SHANK2: variants seen among roughly 807,000 people sequenced by gnomAD.
SHANK2 encodes SH3 and multiple ankyrin repeat domains protein 2.
In SHANK2, 43 loss-of-function variants were observed where a neutral mutation model predicts 133.7. That is an observed-to-expected ratio of 0.32 (90% CI 0.25 to 0.41). The LOEUF is 0.41. Ranked by LOEUF, SHANK2 falls within the 10% of genes least tolerant of loss-of-function variation. The pLI is 1.00. For synonymous variants in SHANK2, 1,017 were observed against 952.8 expected (o/e 1.07, Z -1.24); for missense variants, 1,994 against 2,235.8 (o/e 0.89, Z 2.18).
intron 14 of SHANK2, among the ~76,000 whole-genome samples, chr11:70,741,669 C>T (rs1946529493): frequency 6.6e-6 from 1 of 152,198 alleles, no homozygotes; most frequent in Non-Finnish European, 1.5e-5. Context: ...CACCCTATGC[C>T]TCACCATAAC....
intron 6 of SHANK2, among the ~76,000 whole-genome samples, chr11:71,096,213 C>T (rs1444397227): frequency 6.6e-6 from 1 of 152,240 alleles, no homozygotes; most frequent in Non-Finnish European, 1.5e-5. Context: ...TGCATACCCT[C>T]CTGATGCAGA....
intron 20 of SHANK2, among the ~76,000 whole-genome samples, chr11:70,501,511 C>T (rs1238387301): frequency 2.0e-5 from 3 of 152,204 alleles, no homozygotes; most frequent in Admixed American, 1.3e-4. Context: ...CAAGCGTTTC[C>T]ACCTACATGC....
In SHANK2 at chr11:71,146,760, G is replaced by T. The variant is rs1461263869; in HGVS notation, c.207+360C>A. On this transcript the variant is annotated intron_variant, in intron 3 of 25. Transcript: ENST00000601538. ...GAGCCTCCTGCACTTGGTGCTAGAA[G>T]CCAGTTGCGGGTGCACCTGCCGCCC... is the stretch of plus-strand genomic sequence containing the variant. Among the ~76,000 whole-genome samples the T allele has an allele frequency of 2.0e-5, 3 of 152,172 alleles. No individual in the cohort carries two copies. In the East Asian group the frequency reaches 5.8e-4, roughly 29 times the overall value.
chr11:70,625,757 A>G (rs557765756), intron 17 of SHANK2, among the ~76,000 whole-genome samples: 1 of 141,552 alleles, frequency 7.1e-6, no homozygotes, highest in South Asian at 2.5e-4. Flanking sequence ...GAGGTCCACA[A>G]GCCCAAGCTG....
intron 23 of SHANK2, chr11:70,490,012 G>C (rs1162308253): frequency 4.6e-6 from 1 of 217,422 alleles, no homozygotes; most frequent in Non-Finnish European, 8.6e-6. Context: ...AATTATCACA[G>C]ATAACTGGGC....
chr11:70,775,916 T>C (rs1433439565), intron 14 of SHANK2, among the ~76,000 whole-genome samples: 5 of 152,248 alleles, frequency 3.3e-5, no homozygotes, highest in African/African-American at 4.8e-5. Context: ...AACATCTTCA[T>C]TCAATAACAG....
intron 11 of SHANK2, among the ~76,000 whole-genome samples, chr11:70,831,770 G>C (rs1555058523): frequency 6.6e-6 from 1 of 152,384 alleles, no homozygotes; most frequent in East Asian, 1.9e-4. Context: ...GTGCTCACGG[G>C]TCTCAGAAAC....
chr11:70,689,405 T>C (rs550568461), intron 15 of SHANK2, among the ~76,000 whole-genome samples: 6 of 152,316 alleles, frequency 3.9e-5, no homozygotes, highest in Admixed American at 6.5e-5. Context: ...AAATACCTTC[T>C]TGAAGTGGAA....
chr11:70,544,879 T>C (rs556326381), intron 17 of SHANK2, among the ~76,000 whole-genome samples: 1 of 152,318 alleles, frequency 6.6e-6, no homozygotes, highest in South Asian at 2.1e-4. Context: ...CCTTCAGGGA[T>C]TGCATCCTCT....
At chr11:71,108,118 C>T (rs889578546) in intron 6 of SHANK2, among the ~76,000 whole-genome samples, 5 of 152,200 alleles carry the variant, frequency 3.3e-5, no homozygotes, top group Non-Finnish European at 7.3e-5. Flanking sequence ...CCTGGATGTG[C>T]CCCAAGGCTC....
intron 17 of SHANK2, among the ~76,000 whole-genome samples, chr11:70,551,544 T>C (rs1217517708): frequency 6.6e-6 from 1 of 152,246 alleles, no homozygotes; most frequent in Admixed American, 6.5e-5. Context: ...ATGCTTGCCA[T>C]GGCCTGCATT....
At chr11:71,215,946 T>C (rs1555119788) in intron 2 of SHANK2, among the ~76,000 whole-genome samples, 1 of 151,828 alleles carries the variant, frequency 6.6e-6, no homozygotes, top group Non-Finnish European at 1.5e-5. Context: ...CCCTCCAGGA[T>C]GAAGATAACC....
chr11:70,490,360 C>T lies in SHANK2; in HGVS notation c.2467G>A (p.Val823Met), dbSNP rs563215970. ...CTCCCAGGAACAGTGGGCGTCATCACGGCGATTCCTTGGCGTTCGTACACA... is the reference window on the plus strand; with the variant it reads ...CTCCCAGGAACAGTGGGCGTCATCATGGCGATTCCTTGGCGTTCGTACACA... ...NSVYERQGIA[V>M]MTPTVPGSPK... The change falls in exon 23 of 26, where the codon GTG (valine) becomes ATG (methionine). Residue 823 changes from valine (V) to methionine (M), a missense_variant. Physicochemically the swap from Val to Met is conservative, Grantham distance 21 (BLOSUM62 1). Around this residue, in one of 5 missense-constraint regions of SHANK2, gnomAD observed 488 missense variants for 642.6 expected, o/e 0.76. Coordinates refer to ENST00000601538, the MANE Select transcript of SHANK2 (RefSeq NM_012309.5). 33 of 1,614,204 alleles carry T rather than the reference C, an allele frequency of 2.0e-5. 1 individual carries two copies. The highest frequency in any genetic ancestry group is 3.3e-5 in the Admixed American group (2 of 60,030).
chr11:71,181,018 C>T (rs4312085), intron 2 of SHANK2, among the ~76,000 whole-genome samples: 52,454 of 151,412 alleles, frequency 0.35, 9,299 homozygotes, highest in South Asian at 0.5. Context: ...GAAGGGATTT[C>T]ATTTTTAATG....
intron 11 of SHANK2, among the ~76,000 whole-genome samples, chr11:70,837,485 A>G (rs1054200894): frequency 3.9e-5 from 6 of 152,200 alleles, no homozygotes; most frequent in Non-Finnish European, 8.8e-5. Context: ...ATCCTGTCCA[A>G]GAGGGTTACT....
At chr11:70,587,157 C>T (rs1476515197) in intron 17 of SHANK2, among the ~76,000 whole-genome samples, 4 of 152,240 alleles carry the variant, frequency 2.6e-5, no homozygotes, top group Non-Finnish European at 5.9e-5. Flanking sequence ...GTCACTTCCA[C>T]TGCCGTACAG....
At position 71,230,086 on chromosome 11, in the gene SHANK2, G is replaced by A. The variant is rs116458650; in HGVS notation, c.-112-5290C>T. Among the ~76,000 whole-genome samples the A allele has an allele frequency of 3.2e-3, 491 of 152,254 alleles. 2 individuals are homozygous for A. Among genetic ancestry groups the A allele is most frequent in the African/African-American group, 0.011 (460 of 41,552 alleles). Reference sequence around the variant, plus strand: ...ATGGATCACTTGAGGTTAGGAGCTCGAGACTAGCCTGGCCCAACGTGGTGA... The same window carrying A: ...ATGGATCACTTGAGGTTAGGAGCTCAAGACTAGCCTGGCCCAACGTGGTGA... On this transcript the variant is annotated intron_variant, in intron 1 of 25. Coordinates refer to ENST00000601538, the MANE Select transcript of SHANK2 (RefSeq NM_012309.5).
At chr11:71,178,530 T>C (rs1555113363) in intron 2 of SHANK2, among the ~76,000 whole-genome samples, 1 of 152,242 alleles carries the variant, frequency 6.6e-6, no homozygotes, top group African/African-American at 2.4e-5. Context: ...ATGTTGTGAA[T>C]GTATTTAATA....
chr11:71,181,401 G>C (rs2135546383), intron 2 of SHANK2, among the ~76,000 whole-genome samples: 1 of 152,230 alleles, frequency 6.6e-6, no homozygotes, highest in South Asian at 2.1e-4. Context: ...TGGGAGGGAG[G>C]GCTAGACAGG....
Sources: gnomAD v4.1 joint callset for allele counts (sites outside exome capture counted in the v4.1 genomes callset) on GRCh38, gnomAD v4.1.1 for gene constraint, gnomAD v4.1.1 regional missense constraint, MANE v1.5 for transcripts, NCBI Gene and HGNC (gene_info 2026-07-23, HGNC 2026-07-21) for gene names.